NUMB: variants seen among roughly 807,000 people sequenced by gnomAD.
NUMB encodes protein numb homolog.
In NUMB, 29 loss-of-function variants were observed where a neutral mutation model predicts 59.7. The ratio of observed to expected loss-of-function variants is 0.49; its 90% CI spans 0.36 to 0.66. The LOEUF (loss-of-function observed/expected upper bound fraction) is 0.66, where lower values mean the gene tolerates loss of function less well. Ranked by LOEUF, NUMB falls within the 30% of genes least tolerant of loss-of-function variation. The probability of loss-of-function intolerance (pLI) is 0.00; values close to 1 mark genes in which losing one functional copy is unlikely to be tolerated. For synonymous variants in NUMB, 288 were observed against 288.2 expected, an observed-to-expected ratio of 1.00 and a Z score of 0.01; for missense variants, 723 against 822.0, an observed-to-expected ratio of 0.88 and a Z score of 1.47.
At chr14:73,301,918 T>TA (rs1268627586) in intron 6 of NUMB, among the ~76,000 whole-genome samples, 10 of 151,818 alleles carry the variant, frequency 6.6e-5, no homozygotes, top group Non-Finnish European at 8.8e-5. Flanking sequence ...CCATATCTAC[T>TA]AAAAAATACA....
intron 1 of NUMB, chr14:73,457,935 G>A (rs1018413763): frequency 3.9e-5 from 6 of 152,588 alleles, no homozygotes; most frequent in Admixed American, 3.9e-4. Context: ...CTGTCACCCG[G>A]GACCCTGGCC....
chr14:73,363,163 G>C (rs756926120), intron 3 of NUMB, among the ~76,000 whole-genome samples: 26 of 152,056 alleles, frequency 1.7e-4, no homozygotes, highest in Non-Finnish European at 3.2e-4. Context: ...CAGGCACATT[G>C]GTATGTGCCT....
chr14:73,352,202 T>C (rs1480797700), intron 4 of NUMB, among the ~76,000 whole-genome samples: 1 of 151,400 alleles, frequency 6.6e-6, no homozygotes, highest in Non-Finnish European at 1.5e-5. Context: ...TTCTTTCCTC[T>C]TGTCACCCAG....
intron 5 of NUMB, among the ~76,000 whole-genome samples, chr14:73,320,024 C>T (rs1434410686): frequency 1.3e-5 from 2 of 151,890 alleles, no homozygotes; most frequent in African/African-American, 2.4e-5. Context: ...CCCAGCTACT[C>T]GGGAGGCTGA....
intron 3 of NUMB, among the ~76,000 whole-genome samples, chr14:73,356,150 T>G (rs542573339): frequency 1.3e-5 from 2 of 152,192 alleles, no homozygotes; most frequent in East Asian, 3.9e-4. Flanking sequence ...CCCCTGAAAA[T>G]GGAAATTTGT....
intron 1 of NUMB, among the ~76,000 whole-genome samples, chr14:73,449,481 G>A (rs1353099188): frequency 1.3e-5 from 2 of 151,406 alleles, no homozygotes; most frequent in Non-Finnish European, 2.9e-5. Context: ...ATTTTTTATT[G>A]GGTTTTCTTT....
At chr14:73,442,600 CAAAT>C (rs1304863990) in intron 1 of NUMB, among the ~76,000 whole-genome samples, 1 of 152,046 alleles carries the variant, frequency 6.6e-6, no homozygotes, top group Middle Eastern at 3.4e-3. Context: ...TATTGATACA[CAAAT>C]AACATGGAAA....
At chr14:73,402,007 C>G (rs553535719) in intron 2 of NUMB, among the ~76,000 whole-genome samples, 1 of 152,220 alleles carries the variant, frequency 6.6e-6, no homozygotes, top group South Asian at 2.1e-4. Flanking sequence ...GGACCACGTG[C>G]ACGCACCACC....
rs1185004151 is a variant in NUMB at position 73,279,306 on chromosome 14, G to A, written c.1215C>T (p.Asn405=). The change falls in exon 12 of 13, where the codon AAC becomes AAT. Residue 405 remains asparagine, a synonymous_variant. Coordinates refer to ENST00000555238, the MANE Select transcript of NUMB (RefSeq NM_001005743.2). ...CCGAACATGTGGCTGCAATTTCCTT[G>A]TTAGCAGCATCAGGGGCATGGGCCC... ...NPWAHAPDAA[N]KEIAATCSGT... 1 of 1,614,196 alleles carries A rather than the reference G, an allele frequency of 6.2e-7. No homozygotes were observed.
intron 2 of NUMB, among the ~76,000 whole-genome samples, chr14:73,408,770 G>A (rs1324879980): frequency 4.6e-5 from 7 of 151,784 alleles, no homozygotes; most frequent in East Asian, 3.9e-4. Context: ...CCAGCTACTC[G>A]GGAGGCTGAA....
At position 73,282,357 on chromosome 14, in the gene NUMB, A is replaced by G; in HGVS notation, c.1096+2T>C. 6.2e-7 allele frequency: 1 copy of G among 1,614,102 alleles called. No homozygotes were observed. Among genetic ancestry groups the G allele is most frequent in the Non-Finnish European group, 8.5e-7 (1 of 1,179,992 alleles). On this transcript the variant is annotated splice_donor_variant, in intron 11 of 12. Coordinates refer to ENST00000555238, the MANE Select transcript of NUMB (RefSeq NM_001005743.2). LOFTEE classifies it high-confidence loss of function. ...CAGCTGAGCAGGTCAGAGGGCACCA[A>G]CCTTGGAAGGTAGGAGATTGTGGTG...
At chr14:73,428,315 A>AAG (rs1164918601) in intron 1 of NUMB, among the ~76,000 whole-genome samples, 1 of 152,196 alleles carries the variant, frequency 6.6e-6, no homozygotes, top group East Asian at 1.9e-4. Flanking sequence ...TGTTTAAAAA[A>AAG]AGAACACTTT....
intron 2 of NUMB, among the ~76,000 whole-genome samples, chr14:73,385,327 T>TTC (rs1213027005): frequency 1.4e-5 from 2 of 145,172 alleles, no homozygotes; most frequent in Admixed American, 1.4e-4. Flanking sequence ...TTTTTTTTTT[T>TTC]GGTAGAGACA....
At position 73,276,380 on chromosome 14, in the gene NUMB, C is replaced by A; in HGVS notation, c.*198G>T. ...TGACTTCTTTAGCCTAATTGCAAGG[C>A]AGCTTTTCTCTAGGAATGCTTTTTC... On this transcript the variant is annotated 3_prime_UTR_variant, in exon 13 of 13. Coordinates refer to ENST00000555238, the MANE Select transcript of NUMB (RefSeq NM_001005743.2). The A allele has an allele frequency of 1.9e-6, 1 of 540,166 alleles. No individual in the cohort carries two copies. The highest frequency in any genetic ancestry group is 3.3e-6 in the Non-Finnish European group (1 of 305,486). The allele number at this position is 540,166 out of a possible 1,614,324, so 33.5% of individuals were successfully genotyped here.
chr14:73,384,290 T>C (rs1276225192), intron 2 of NUMB, among the ~76,000 whole-genome samples: 2 of 151,832 alleles, frequency 1.3e-5, no homozygotes, highest in Non-Finnish European at 2.9e-5. Flanking sequence ...GGGGTTTCAC[T>C]GTGTTAGCCA....
At chr14:73,362,415 CAG>C (rs1358825977) in intron 3 of NUMB, among the ~76,000 whole-genome samples, 19 of 151,852 alleles carry the variant, frequency 1.3e-4, no homozygotes, top group African/African-American at 4.6e-4. Context: ...GGAGGAGAAA[CAG>C]AAGGTGAAAG....
chr14:73,419,129 AAAAC>A (rs1234466500), intron 1 of NUMB, among the ~76,000 whole-genome samples: 2 of 152,244 alleles, frequency 1.3e-5, no homozygotes, highest in African/African-American at 4.8e-5. Context: ...AAAAAAAAGA[AAAAC>A]AAATAAAAAA....
intron 4 of NUMB, among the ~76,000 whole-genome samples, chr14:73,326,095 C>A (rs928841940): frequency 6.6e-6 from 1 of 152,060 alleles, no homozygotes; most frequent in African/African-American, 2.4e-5. Flanking sequence ...CAGAAAGTAC[C>A]AAAGAAGGCA....
intron 2 of NUMB, among the ~76,000 whole-genome samples, chr14:73,367,346 T>TAGAGAG (rs1288750867): frequency 0.035 from 3,203 of 91,112 alleles, 35 homozygotes; most frequent in African/African-American, 0.061. Flanking sequence ...TATATATATA[T>TAGAGAG]ATAGAGAGAG....
Sources: allele counts gnomAD v4.1 joint callset (sites outside exome capture counted in the v4.1 genomes callset), GRCh38; gene constraint gnomAD v4.1.1; transcripts MANE v1.5; gene names NCBI Gene and HGNC (gene_info 2026-07-23, HGNC 2026-07-21).